Variants in RCL1 observed in about 807,000 individuals in gnomAD.
RCL1 encodes the protein RNA terminal phosphate cyclase like 1, also known as RNA 3'-terminal phosphate cyclase-like protein.
In RCL1, 24 loss-of-function variants were observed where a neutral mutation model predicts 42.4. That is an observed-to-expected ratio of 0.57 (90% CI 0.41 to 0.80). RCL1 has a LOEUF of 0.80. RCL1 is among the 30% of genes least tolerant of loss of function. The pLI is 0.00. For synonymous variants in RCL1, 228 were observed against 177.3 expected (o/e 1.29, Z -2.27); for missense variants, 578 against 467.9 (o/e 1.24, Z -2.17).
chr9:4,819,764 G>A (rs375573079), intron 1 of RCL1, among the ~76,000 whole-genome samples: 7 of 152,260 alleles, frequency 4.6e-5, no homozygotes, highest in Non-Finnish European at 7.4e-5. Flanking sequence ...CCAAGATCGC[G>A]CCACTGCACT....
At chr9:4,839,623 C>T (rs1466025341) in intron 5 of RCL1, 1 of 979,326 alleles carries the variant, frequency 1.0e-6, no homozygotes, top group African/African-American at 1.7e-5. Context: ...ACATTCTGGA[C>T]TGAAGAGATG....
rs149394706 is a variant in RCL1 at position 4,836,246 on chromosome 9, G to A, written c.584+1981G>A. Among the ~76,000 whole-genome samples the A allele has an allele frequency of 7.2e-4, 109 of 152,268 alleles. 1 individual carries two copies. The highest frequency in any genetic ancestry group is 2.3e-3 in the African/African-American group (95 of 41,560). ...AGAGGGAGGAGTAGAGAACGTGGGA[G>A]GACCAATTTCATCCAAGGTTGGATG... is the stretch of plus-strand genomic sequence containing the variant. On this transcript the variant is annotated intron_variant, in intron 5 of 8. Coordinates refer to ENST00000381750, the MANE Select transcript of RCL1 (RefSeq NM_005772.5).
At chr9:4,799,352 C>G (rs1272662214) in intron 1 of RCL1, among the ~76,000 whole-genome samples, 1 of 152,100 alleles carries the variant, frequency 6.6e-6, no homozygotes, top group South Asian at 2.1e-4. Context: ...ATCGTAGATT[C>G]ACATGCAGTT....
intron 8 of RCL1, among the ~76,000 whole-genome samples, chr9:4,853,822 C>A (rs1395948102): frequency 1.3e-5 from 2 of 151,796 alleles, no homozygotes; most frequent in Non-Finnish European, 2.9e-5. Context: ...AGTTAATGAC[C>A]TTTTTCCATG....
At chr9:4,851,991 C>G (rs565537530) in intron 8 of RCL1, among the ~76,000 whole-genome samples, 2 of 152,004 alleles carry the variant, frequency 1.3e-5, no homozygotes, top group East Asian at 1.9e-4. Context: ...ACGCCATTCT[C>G]CTACCTCAGC....
intron 8 of RCL1, among the ~76,000 whole-genome samples, chr9:4,850,123 T>C (rs1003257122): frequency 6.6e-6 from 1 of 152,192 alleles, no homozygotes; most frequent in Non-Finnish European, 1.5e-5. Flanking sequence ...TAAATGACAC[T>C]GTGAAAGAAG....
intron 1 of RCL1, among the ~76,000 whole-genome samples, chr9:4,805,553 A>G (rs1421881886): frequency 3.3e-5 from 5 of 152,230 alleles, no homozygotes; most frequent in Non-Finnish European, 7.3e-5. Context: ...ACTCTTATAG[A>G]AATAGACAAT....
chr9:4,841,562 A>C (rs763670698), intron 6 of RCL1, among the ~76,000 whole-genome samples: 2 of 152,234 alleles, frequency 1.3e-5, no homozygotes, highest in Non-Finnish European at 2.9e-5. Context: ...CTAGAGCTGG[A>C]AGCTAAGGGT....
chr9:4,817,113 G>A (rs1234395746), intron 1 of RCL1, among the ~76,000 whole-genome samples: 5 of 142,562 alleles, frequency 3.5e-5, no homozygotes, highest in Admixed American at 2.2e-4. Flanking sequence ...CACTGTTCCC[G>A]GCCAATAATT....
rs146291117 is a variant in RCL1, at chr9:4,813,233, A to T, written c.137-10315A>T. Among the ~76,000 whole-genome samples the T allele has an allele frequency of 2.6e-3, 391 of 152,300 alleles. 1 individual carries two copies. The highest frequency in any genetic ancestry group is 9.1e-3 in the African/African-American group (379 of 41,552). ...CTTCTGCACAGCAAAAGAAACTACC[A>T]TCAGAGTGAACAGGCAACCTACAGA... On this transcript the variant is annotated intron_variant, in intron 1 of 8. Coordinates refer to ENST00000381750, the MANE Select transcript of RCL1 (RefSeq NM_005772.5).
At chr9:4,825,406 A>C (rs1235623325) in intron 2 of RCL1, among the ~76,000 whole-genome samples, 1 of 152,184 alleles carries the variant, frequency 6.6e-6, no homozygotes, top group Non-Finnish European at 1.5e-5. Context: ...TTTGATCTAA[A>C]GGATGGTTTT....
intron 5 of RCL1, among the ~76,000 whole-genome samples, chr9:4,835,613 G>C (rs753531810): frequency 6.6e-6 from 1 of 152,222 alleles, no homozygotes; most frequent in African/African-American, 2.4e-5. Context: ...AAAAAGATTG[G>C]TAAGGATTTG....
intron 7 of RCL1, among the ~76,000 whole-genome samples, chr9:4,845,889 G>T (rs1165054136): frequency 6.6e-6 from 1 of 152,220 alleles, no homozygotes; most frequent in Non-Finnish European, 1.5e-5. Context: ...TTTCTTCTCA[G>T]TTGTCAGGCA....
At chr9:4,801,808 G>T (rs1843005605) in intron 1 of RCL1, among the ~76,000 whole-genome samples, 1 of 146,378 alleles carries the variant, frequency 6.8e-6, no homozygotes, top group African/African-American at 2.5e-5. Context: ...TTGCTTTTGT[G>T]CCTTTGTACA....
In RCL1 at chr9:4,818,073, A is replaced by G. The variant is rs536567501; in HGVS notation, c.137-5475A>G. Among the ~76,000 whole-genome samples, 13 of 151,526 alleles carry G rather than the reference A, an allele frequency of 8.6e-5. No homozygotes were observed. In the South Asian group the frequency reaches 2.3e-3, roughly 27 times the overall value. On this transcript the variant is annotated intron_variant, in intron 1 of 8. Coordinates refer to ENST00000381750, the MANE Select transcript of RCL1 (RefSeq NM_005772.5). ...GTAGCTGAGATTACAGTTGCCTACCACCTTGCCCAGCTCATTTTTGTATTT... is the reference window on the plus strand; with the variant it reads ...GTAGCTGAGATTACAGTTGCCTACCGCCTTGCCCAGCTCATTTTTGTATTT...
chr9:4,838,423 T>C (rs959935059), intron 5 of RCL1, among the ~76,000 whole-genome samples: 1 of 152,206 alleles, frequency 6.6e-6, no homozygotes, highest in Non-Finnish European at 1.5e-5. Flanking sequence ...TGTTTTAGTT[T>C]TGCAGTGCTG....
intron 1 of RCL1, chr9:4,805,045 C>G (rs982992455): frequency 1.3e-5 from 2 of 152,278 alleles, no homozygotes; most frequent in Non-Finnish European, 2.9e-5. Flanking sequence ...GTCAGACTTG[C>G]TAGGTGGCTG....
At chr9:4,843,547 T>C (rs1817406039) in intron 6 of RCL1, among the ~76,000 whole-genome samples, 1 of 152,188 alleles carries the variant, frequency 6.6e-6, no homozygotes, top group Non-Finnish European at 1.5e-5. Context: ...GAAGAAAAAT[T>C]AGAGTAATTT....
intron 5 of RCL1, among the ~76,000 whole-genome samples, chr9:4,838,523 T>A (rs759844684): frequency 6.6e-6 from 1 of 152,216 alleles, no homozygotes; most frequent in Non-Finnish European, 1.5e-5. Context: ...ATAATCTAGT[T>A]TCTTTTCCTT....
Sources: allele counts gnomAD v4.1 joint callset (sites outside exome capture counted in the v4.1 genomes callset), GRCh38; gene constraint gnomAD v4.1.1; transcripts MANE v1.5; gene names NCBI Gene and HGNC (gene_info 2026-07-23, HGNC 2026-07-21).